Variants in C7 observed in about 807,000 individuals in gnomAD.
C7 encodes complement component C7.
C7 carries 83 observed loss-of-function variants against 104.8 expected under a neutral mutation model. The ratio of observed to expected loss-of-function variants is 0.79; its 90% CI spans 0.66 to 0.95. The LOEUF (loss-of-function observed/expected upper bound fraction) is 0.95, where lower values mean the gene tolerates loss of function less well. C7 is among the 40% of genes least tolerant of loss of function. The pLI, the probability that C7 is intolerant of heterozygous loss-of-function variation, is 0.00. For synonymous variants in C7, 415 were observed against 360.6 expected (o/e 1.15, Z -1.71); for missense variants, 1,070 against 1,011.2 (o/e 1.06, Z -0.79).
intron 13 of C7, among the ~76,000 whole-genome samples, chr5:40,963,942 G>A (rs1740485609): frequency 6.8e-6 from 1 of 147,902 alleles, no homozygotes; most frequent in South Asian, 2.3e-4. Context: ...CATACTAATA[G>A]GATTGGAAAA....
intron 2 of C7, among the ~76,000 whole-genome samples, chr5:40,929,371 C>G (rs1276691053): frequency 6.6e-6 from 1 of 152,144 alleles, no homozygotes; most frequent in Non-Finnish European, 1.5e-5. Flanking sequence ...TTCCCCAGGA[C>G]AGAGGCTAGA....
At chr5:40,924,711 G>A (rs759608351) in intron 1 of C7, among the ~76,000 whole-genome samples, 2 of 152,160 alleles carry the variant, frequency 1.3e-5, no homozygotes, top group Non-Finnish European at 2.9e-5. Context: ...GTGTGCCTAT[G>A]AGCCTAATAC....
At chr5:40,936,306 T>C in intron 4 of C7, 32 bp from the exon 5 acceptor site, 1 of 1,612,004 alleles carries the variant, frequency 6.2e-7, no homozygotes, top group Non-Finnish European at 8.5e-7. Context: ...TTCCCTCTTT[T>C]ACATTTGCAC....
At position 40,981,486 on chromosome 5, in the gene C7, G is replaced by A. The variant is rs985489827; in HGVS notation, c.2445G>A (p.Met815Ile). The A allele has an allele frequency of 3.7e-6, 6 of 1,613,750 alleles. No homozygotes were observed. Among genetic ancestry groups the A allele is most frequent in the African/African-American group, 1.3e-5 (1 of 74,946 alleles). The change falls in exon 18 of 18, where the codon ATG becomes ATA. Residue 815 changes from methionine (M) to isoleucine (I), a missense_variant. By Grantham distance (10) the Met-to-Ile change is conservative. Transcript: ENST00000313164. ...CVEVNGKEQT[M>I]SECEAGALRC... ...AAGTGAACGGCAAGGAGCAGACGAT[G>A]TCTGAGTGTGAGGCGGGCGCTCTGA...
At chr5:40,918,946 A>G (rs1349750839) in intron 1 of C7, among the ~76,000 whole-genome samples, 1 of 105,802 alleles carries the variant, frequency 9.5e-6, no homozygotes, top group Non-Finnish European at 1.9e-5. Context: ...AATGAATCTA[A>G]CAGACACACA....
At position 40,945,214 on chromosome 5, in the gene C7, A is replaced by G. The variant is rs746750946; in HGVS notation, c.584A>G (p.Asp195Gly). 4 of 1,491,814 alleles carry G rather than the reference A, an allele frequency of 2.7e-6. No homozygotes were observed. Among genetic ancestry groups the G allele is most frequent in the Non-Finnish European group, 3.6e-6 (4 of 1,108,636 alleles). 92.4% of individuals were successfully genotyped at this position (1,491,814 alleles called of 1,614,324 possible). The part of the protein sequence containing the change: ...SYTFQVKINN[D>G]FNYEFYNSTW... Reference sequence around the variant, plus strand: ...TCTTTGTAGGTGAAAATAAATAATGATTTTAATTATGAATTTTACAATAGT... The same window carrying G: ...TCTTTGTAGGTGAAAATAAATAATGGTTTTAATTATGAATTTTACAATAGT... The change falls in exon 7 of 18, where the codon GAT (aspartate) becomes GGT (glycine). Residue 195 changes from aspartate to glycine, a missense_variant. Transcript: ENST00000313164.
intron 14 of C7, among the ~76,000 whole-genome samples, chr5:40,968,380 C>T (rs1740603762): frequency 1.3e-5 from 2 of 151,624 alleles, no homozygotes; most frequent in South Asian, 2.1e-4. Context: ...CCTGTCTGGG[C>T]CTCCCAAAGT....
At chr5:40,924,519 G>T (rs1453325261) in intron 1 of C7, among the ~76,000 whole-genome samples, 1 of 152,190 alleles carries the variant, frequency 6.6e-6, no homozygotes, top group Non-Finnish European at 1.5e-5. Flanking sequence ...AATTCACTAG[G>T]CAGTACTCCA....
At position 40,945,178 on chromosome 5, in the gene C7, A is replaced by G. The variant is rs975658661; in HGVS notation, c.568-20A>G. On this transcript the variant is annotated intron_variant, in intron 6 of 17. Transcript: ENST00000313164. The stretch of plus-strand genomic sequence containing the variant: ...CCAGCATTAATTTAGTCATAGCAAA[A>G]TTTTTCATTTTCTTTGTAGGTGAAA... The G allele has an allele frequency of 6.7e-6, 9 of 1,351,802 alleles. No individual in the cohort carries two copies. The highest frequency in any genetic ancestry group is 6.0e-6 in the Non-Finnish European group (6 of 992,766). 83.7% of individuals were successfully genotyped at this position (1,351,802 alleles called of 1,614,324 possible).
intron 1 of C7, among the ~76,000 whole-genome samples, chr5:40,916,594 A>C (rs1378203836): frequency 6.6e-6 from 1 of 152,206 alleles, no homozygotes; most frequent in Non-Finnish European, 1.5e-5. Context: ...AAACCATTTA[A>C]GTCTACTGAG....
intron 1 of C7, among the ~76,000 whole-genome samples, chr5:40,920,343 A>G (rs1277391836): frequency 1.3e-5 from 2 of 152,102 alleles, no homozygotes; most frequent in African/African-American, 4.8e-5. Flanking sequence ...GCAATCCATC[A>G]GATCCTGTGG....
intron 3 of C7, among the ~76,000 whole-genome samples, chr5:40,932,025 T>G (rs544592667): frequency 6.4e-4 from 97 of 152,336 alleles, no homozygotes; most frequent in African/African-American, 2.2e-3. Context: ...TCCAAAGTGC[T>G]GGGATTACAG....
At chr5:40,916,191 C>T (rs1026144380) in intron 1 of C7, among the ~76,000 whole-genome samples, 1 of 152,082 alleles carries the variant, frequency 6.6e-6, no homozygotes, top group Admixed American at 6.5e-5. Context: ...ATATTTCTTT[C>T]TAGATTTTGT....
intron 15 of C7, 50 bp from the exon 16 acceptor site, chr5:40,976,700 T>C: frequency 1.5e-6 from 2 of 1,337,332 alleles, no homozygotes; most frequent in East Asian, 5.0e-5. Context: ...CCTTGTTTAC[T>C]ATGAAGAGGC....
chr5:40,959,557 G>A lies in C7; in HGVS notation c.1598G>A (p.Arg533Lys), dbSNP rs1335021791. ...CNNPPPSGGG[R>K]SCVGETTEST... Reference sequence around the variant, plus strand: ...AACCCACCTCCCAGTGGGGGTGGGAGATCCTGCGTTGGAGAAACGACAGAA... The same window carrying A: ...AACCCACCTCCCAGTGGGGGTGGGAAATCCTGCGTTGGAGAAACGACAGAA... The change falls in exon 12 of 18, where the codon AGA becomes AAA. Residue 533 changes from arginine (R) to lysine (K), a missense_variant. Arg to Lys is a conservative substitution (Grantham distance 26). Coordinates refer to ENST00000313164, the MANE Select transcript of C7 (RefSeq NM_000587.4). The A allele has an allele frequency of 6.2e-7, 1 of 1,610,564 alleles. No individual in the cohort carries two copies. The highest frequency in any genetic ancestry group is 8.5e-7 in the Non-Finnish European group (1 of 1,178,888).
rs769957169 is a variant in C7 at position 40,947,797 on chromosome 5, GA to G, written c.936del (p.Glu312AspfsTer13). 4.3e-6 allele frequency: 7 copies of G among 1,613,436 alleles called. No individual in the cohort carries two copies. The highest frequency in any genetic ancestry group is 5.9e-6 in the Non-Finnish European group (7 of 1,179,560). On this transcript the variant is annotated frameshift_variant, in exon 8 of 18. Transcript: ENST00000313164. LOFTEE classifies it high-confidence loss of function. The stretch of plus-strand genomic sequence containing the variant: ...TCTGCAATCTGGGTCGTTAGGAGGA[GA>G]ATACAGAGTTCTATTTTATGTGGAC... ...HYLQSGSLGGEYRVLFYVDSE... is the reference protein window; with the variant it reads ...HYLQSGSLGGXYRVLFYVDSE...
intron 13 of C7, among the ~76,000 whole-genome samples, chr5:40,963,170 A>T (rs1354132569): frequency 2.0e-5 from 3 of 152,208 alleles, no homozygotes; most frequent in African/African-American, 7.2e-5. Flanking sequence ...GTGTTGTTTT[A>T]GGAGCCAGGA....
At chr5:40,946,211 G>T (rs929295059) in intron 7 of C7, among the ~76,000 whole-genome samples, 5 of 152,034 alleles carry the variant, frequency 3.3e-5, no homozygotes, top group African/African-American at 4.8e-5. Context: ...GAAGTTAAAA[G>T]ACATTTTTAA....
intron 16 of C7, among the ~76,000 whole-genome samples, chr5:40,977,959 C>A (rs1343617447): frequency 1.4e-4 from 21 of 151,838 alleles, no homozygotes; most frequent in Admixed American, 1.3e-3. Flanking sequence ...TATGGTGAAA[C>A]CCCTTCTCTA....
Sources: gnomAD v4.1 joint callset for allele counts (sites outside exome capture counted in the v4.1 genomes callset) on GRCh38, gnomAD v4.1.1 for gene constraint, MANE v1.5 for transcripts, NCBI Gene and HGNC (gene_info 2026-07-23, HGNC 2026-07-21) for gene names.